Variants in GLCE observed in about 807,000 individuals in gnomAD.
GLCE encodes glucuronic acid epimerase.
GLCE carries 19 observed loss-of-function variants against 47.9 expected under a neutral mutation model. The observed-to-expected ratio is 0.40, with a 90% CI of 0.28 to 0.58. The LOEUF (loss-of-function observed/expected upper bound fraction) is 0.58. Ranked by LOEUF, GLCE falls within the 20% of genes least tolerant of loss-of-function variation. GLCE has a pLI of 0.48. For missense variants in GLCE, 556 were observed against 743.3 expected, an observed-to-expected ratio of 0.75 and a Z score of 2.93; for synonymous variants, 245 against 263.4, an observed-to-expected ratio of 0.93 and a Z score of 0.68.
At chr15:69,238,412 AC>A (rs2140414879) in intron 2 of GLCE, among the ~76,000 whole-genome samples, 1 of 152,290 alleles carries the variant, frequency 6.6e-6, no homozygotes, top group South Asian at 2.1e-4. Flanking sequence ...AGTTTCTTCA[AC>A]CATATGTGGG....
chr15:69,223,068 T>C (rs771268963), intron 2 of GLCE, among the ~76,000 whole-genome samples: 1 of 152,214 alleles, frequency 6.6e-6, no homozygotes, highest in South Asian at 2.1e-4. Flanking sequence ...AACTGTTAAA[T>C]GCGGTAGTCT....
intron 2 of GLCE, among the ~76,000 whole-genome samples, chr15:69,253,331 CCCTGTGGGAACACTG>C (rs1293594222): frequency 6.6e-6 from 1 of 152,260 alleles, no homozygotes; most frequent in East Asian, 1.9e-4. Flanking sequence ...CACCCACTCA[CCCTGTGGGAACACTG>C]CCAGTCAGCT....
rs376052716 is a variant in GLCE at position 69,200,353 on chromosome 15, T to TGA, written c.-104-9962_-104-9961insAG. Among the ~76,000 whole-genome samples, 1,067 of 152,312 alleles carry TGA rather than the reference T, an allele frequency of 7.0e-3. 19 individuals are homozygous for TGA. Among genetic ancestry groups the TGA allele is most frequent in the African/African-American group, 0.024 (1,010 of 41,584 alleles). On this transcript the variant is annotated intron_variant, in intron 1 of 4. Coordinates refer to ENST00000261858, the MANE Select transcript of GLCE (RefSeq NM_015554.3). ...TAAATCAGAATTTGACACACTGGGT[T>TGA]GTTTAATTACACATTTCAGTTTGGG...
intron 1 of GLCE, among the ~76,000 whole-genome samples, chr15:69,204,457 GT>G (rs1326133506): frequency 6.6e-6 from 1 of 151,556 alleles, no homozygotes; most frequent in Admixed American, 6.6e-5. Context: ...TAATTTTTTT[GT>G]ATTTTTGGTA....
At chr15:69,182,609 G>C (rs2051766862) in intron 1 of GLCE, among the ~76,000 whole-genome samples, 1 of 152,166 alleles carries the variant, frequency 6.6e-6, no homozygotes, top group Non-Finnish European at 1.5e-5. Context: ...GAAGGTAAAA[G>C]GAAGTGCAGA....
At chr15:69,239,476 T>C (rs1197746950) in intron 2 of GLCE, among the ~76,000 whole-genome samples, 1 of 152,164 alleles carries the variant, frequency 6.6e-6, no homozygotes, top group African/African-American at 2.4e-5. Flanking sequence ...TTATTTCTGG[T>C]GTCTGTTACT....
Position 69,255,883 on chromosome 15 carries a change from T to C in GLCE, c.77T>C (p.Leu26Pro). The C allele has an allele frequency of 6.2e-7, 1 of 1,614,056 alleles. No individual in the cohort carries two copies. The highest frequency in any genetic ancestry group is 1.1e-5 in the South Asian group (1 of 91,082). The part of the protein sequence containing the change: ...ICALFTLVTV[L>P]LWNKCSSDKA... ...GCACTCTTCACTTTGGTCACAGTAC[T>C]TTTGTGGAATAAGTGTTCCAGTGAC... The change falls in exon 3 of 5, where the codon CTT becomes CCT. Residue 26 changes from leucine (L) to proline (P), a missense_variant. Physicochemically the swap from Leu to Pro is moderately conservative, Grantham distance 98. Around this residue, in one of 3 missense-constraint regions of GLCE, gnomAD observed 237 missense variants for 310.9 expected, o/e 0.76. Coordinates refer to ENST00000261858, the MANE Select transcript of GLCE (RefSeq NM_015554.3).
intron 2 of GLCE, among the ~76,000 whole-genome samples, chr15:69,233,267 C>A (rs2052550052): frequency 6.6e-6 from 1 of 152,080 alleles, no homozygotes; most frequent in Non-Finnish European, 1.5e-5. Context: ...TTCCATAAAG[C>A]CCCCAAAAGT....
chr15:69,164,154 C>A (rs1385416822), intron 1 of GLCE, among the ~76,000 whole-genome samples: 1 of 151,426 alleles, frequency 6.6e-6, no homozygotes, highest in Non-Finnish European at 1.5e-5. Context: ...CAGGAAATTT[C>A]TTTTTGTCAA....
At chr15:69,249,539 A>G (rs1216992795) in intron 2 of GLCE, among the ~76,000 whole-genome samples, 1 of 152,206 alleles carries the variant, frequency 6.6e-6, no homozygotes, top group African/African-American at 2.4e-5. Flanking sequence ...AAGAGTAAGC[A>G]TTCTTCTCAA....
chr15:69,179,102 CA>C (rs1222764915), intron 1 of GLCE, among the ~76,000 whole-genome samples: 1 of 152,050 alleles, frequency 6.6e-6, no homozygotes, highest in Non-Finnish European at 1.5e-5. Flanking sequence ...TATTTTGCTT[CA>C]AAATGCATAG....
chr15:69,186,621 G>T lies in GLCE; in HGVS notation c.-104-23695G>T, dbSNP rs944103686. On this transcript the variant is annotated intron_variant, in intron 1 of 4. Coordinates refer to ENST00000261858, the MANE Select transcript of GLCE (RefSeq NM_015554.3). The stretch of plus-strand genomic sequence containing the variant: ...GTTTCTGAGTATCTAAGGTGTATCA[G>T]AAGAAGATAAGGATGTGTGCAGCTT... 2.0e-5 allele frequency among the ~76,000 whole-genome samples: 3 copies of T among 152,190 alleles called. 1 individual carries two copies. Among genetic ancestry groups the T allele is most frequent in the Admixed American group, 2.0e-4 (3 of 15,280 alleles).
rs113633830 is a variant in GLCE, at chr15:69,197,145, G to A, written c.-104-13171G>A. On this transcript the variant is annotated intron_variant, in intron 1 of 4. Transcript: ENST00000261858. The stretch of plus-strand genomic sequence containing the variant: ...ATCAACATAAAGGGCCCAGTCCTTC[G>A]GCACAACAATGCCTGACAATGCGTC... 1.4e-3 allele frequency: 545 copies of A among 381,288 alleles called. 5 individuals carry two copies. The highest frequency in any genetic ancestry group is 0.011 in the Middle Eastern group (12 of 1,102). 23.6% of individuals were successfully genotyped at this position (381,288 alleles called of 1,614,324 possible).
At chr15:69,213,337 C>T (rs182803067) in intron 2 of GLCE, among the ~76,000 whole-genome samples, 1 of 152,088 alleles carries the variant, frequency 6.6e-6, no homozygotes, top group African/African-American at 2.4e-5. Context: ...TCCTTAGTCT[C>T]CTCCAATCTG....
intron 2 of GLCE, among the ~76,000 whole-genome samples, chr15:69,214,981 T>C (rs2052284632): frequency 6.6e-6 from 1 of 152,186 alleles, no homozygotes; most frequent in Non-Finnish European, 1.5e-5. Flanking sequence ...CTTCTGTATA[T>C]CCCCATCAAT....
chr15:69,217,632 T>C (rs764457970), intron 2 of GLCE, among the ~76,000 whole-genome samples: 9 of 152,164 alleles, frequency 5.9e-5, no homozygotes, highest in Non-Finnish European at 1.0e-4. Context: ...TTGACATTAT[T>C]AATTTCACTT....
chr15:69,201,457 C>T (rs762694757), intron 1 of GLCE, among the ~76,000 whole-genome samples: 1 of 151,674 alleles, frequency 6.6e-6, no homozygotes, highest in Non-Finnish European at 1.5e-5. Context: ...ATAGTATCTG[C>T]CCTTGCCTAT....
rs139409230 is a variant in GLCE, at chr15:69,196,947, G to A, written c.-104-13369G>A. On this transcript the variant is annotated intron_variant, in intron 1 of 4. Transcript: ENST00000261858. ...GGTTGGACTGAGAAGAAGCTCCAGA[G>A]CACTTCCCAAAGCCAAACTTCTACC... is the stretch of plus-strand genomic sequence containing the variant. The A allele has an allele frequency of 6.1e-5, 14 of 228,074 alleles. No homozygotes were observed. The East Asian group carries it at 1.1e-3, about 18-fold the overall frequency. The allele number at this position is 228,074 out of a possible 1,614,324, so 14.1% of individuals were successfully genotyped here.
In GLCE at chr15:69,251,474, T is replaced by C. The variant is rs183907641; in HGVS notation, c.-13-4320T>C. ...CAAACGTATACCTGCATTTAACACT[T>C]GCCTGAATCTGTAATATCATGAGGG... On this transcript the variant is annotated intron_variant, in intron 2 of 4. Coordinates refer to ENST00000261858, the MANE Select transcript of GLCE (RefSeq NM_015554.3). Among the ~76,000 whole-genome samples, 780 of 152,332 alleles carry C rather than the reference T, an allele frequency of 5.1e-3. 5 individuals carry two copies. Among genetic ancestry groups the C allele is most frequent in the African/African-American group, 0.017 (694 of 41,578 alleles).
Sources: gnomAD v4.1 joint callset for allele counts (sites outside exome capture counted in the v4.1 genomes callset) on GRCh38, gnomAD v4.1.1 for gene constraint, gnomAD v4.1.1 regional missense constraint, MANE v1.5 for transcripts, NCBI Gene and HGNC (gene_info 2026-07-23, HGNC 2026-07-21) for gene names.